Variants in EGFLAM observed in about 807,000 individuals in gnomAD.
EGFLAM encodes the protein EGF like, fibronectin type III and laminin G domains, also known as pikachurin.
EGFLAM carries 79 observed loss-of-function variants against 113.1 expected under a neutral mutation model. The observed-to-expected ratio is 0.70, with a 90% CI of 0.58 to 0.84. The LOEUF is 0.84. Among genes scored for constraint, EGFLAM ranks in the 40% least tolerant of loss-of-function variants. The pLI is 0.00. For missense variants in EGFLAM, 1,265 were observed against 1,291.6 expected (o/e 0.98, Z 0.32); for synonymous variants, 504 against 487.6 (o/e 1.03, Z -0.44).
intron 19 of EGFLAM, among the ~76,000 whole-genome samples, chr5:38,454,078 G>A (rs1424278649): frequency 6.6e-6 from 1 of 152,180 alleles, no homozygotes; most frequent in African/African-American, 2.4e-5. Flanking sequence ...GTCGACTTCT[G>A]TGCCTGCTCT....
At chr5:38,416,937 G>C (rs1376149231) in intron 11 of EGFLAM, among the ~76,000 whole-genome samples, 1 of 152,180 alleles carries the variant, frequency 6.6e-6, no homozygotes, top group Non-Finnish European at 1.5e-5. Flanking sequence ...GAAGTTTAAA[G>C]TATCAAGATT....
At chr5:38,452,640 C>T (rs887757582) in intron 19 of EGFLAM, among the ~76,000 whole-genome samples, 2 of 152,216 alleles carry the variant, frequency 1.3e-5, no homozygotes, top group African/African-American at 4.8e-5. Context: ...ACTTTAAATT[C>T]TGACTCTGCT....
chr5:38,421,199 T>C (rs1741809665), intron 12 of EGFLAM, among the ~76,000 whole-genome samples: 2 of 152,344 alleles, frequency 1.3e-5, no homozygotes, highest in South Asian at 4.1e-4. Context: ...GGGCTTGCAT[T>C]ACTCAGTTCC....
intron 17 of EGFLAM, among the ~76,000 whole-genome samples, chr5:38,447,756 CAAAAAAAAA>C (rs540815959): frequency 1.4e-5 from 1 of 69,434 alleles, no homozygotes; most frequent in African/African-American, 4.3e-5. Flanking sequence ...AACTTTGTTT[CAAAAAAAAA>C]AAAAAAAAAA....
Position 38,464,267 on chromosome 5 carries a change from G to A in EGFLAM, c.*281G>A. On this transcript the variant is annotated 3_prime_UTR_variant, in exon 22 of 22. Coordinates refer to ENST00000322350, the MANE Select transcript of EGFLAM (RefSeq NM_152403.4). ...CGGCTGCCAGAGATCACACATCAAT[G>A]CAAATTCCAGAGCCTGTCTGCTATA... is the stretch of plus-strand genomic sequence containing the variant. 2.5e-6 allele frequency: 1 copy of A among 404,826 alleles called. No homozygotes were observed. Among genetic ancestry groups the A allele is most frequent in the Non-Finnish European group, 4.5e-6 (1 of 223,354 alleles). The allele number at this position is 404,826 out of a possible 1,614,324, so 25.1% of individuals were successfully genotyped here. A position where few individuals can be genotyped will look rare whatever the true frequency, so the allele number is the denominator to read the frequency against.
At chr5:38,373,016 TTTAACAAA>T (rs533656864) in intron 6 of EGFLAM, among the ~76,000 whole-genome samples, 332 of 152,162 alleles carry the variant, frequency 2.2e-3, no homozygotes, top group Middle Eastern at 0.014. Flanking sequence ...TAAATTTTAA[TTTAACAAA>T]TTAACAAATT....
intron 5 of EGFLAM, among the ~76,000 whole-genome samples, chr5:38,357,131 C>G (rs2451008): frequency 0.52 from 79,310 of 152,086 alleles, 22,610 homozygotes; most frequent in Non-Finnish European, 0.63. Context: ...ATATTGCACA[C>G]TGTAGTTCCA....
At position 38,406,926 on chromosome 5, in the gene EGFLAM, C is replaced by T. The variant is rs571951669; in HGVS notation, c.927C>T (p.Ile309=). ...ISNPKTISRL[I]PPTSASLPVT... The stretch of plus-strand genomic sequence containing the variant: ...ACCCAAAGACCATTTCTAGGCTCAT[C>T]CCCCCTACCTCAGCATCTCTCCCTG... The change falls in exon 8 of 22, where the codon ATC becomes ATT. Residue 309 remains isoleucine (I), a synonymous_variant. Transcript: ENST00000322350. 6.2e-7 allele frequency: 1 copy of T among 1,614,158 alleles called. No homozygotes were observed. Among genetic ancestry groups the T allele is most frequent in the East Asian group, 2.2e-5 (1 of 44,876 alleles).
intron 3 of EGFLAM, chr5:38,345,517 A>T (rs991150628): frequency 6.6e-6 from 1 of 152,188 alleles, no homozygotes; most frequent in African/African-American, 2.4e-5. Context: ...GGGGTTTTAC[A>T]TTCCAGAAAG....
intron 3 of EGFLAM, among the ~76,000 whole-genome samples, chr5:38,340,874 G>T (rs1329143020): frequency 2.0e-5 from 3 of 147,682 alleles, no homozygotes; most frequent in East Asian, 4.0e-4. Flanking sequence ...GGGGTGGGGA[G>T]AGTTGCAGAA....
intron 6 of EGFLAM, among the ~76,000 whole-genome samples, chr5:38,386,438 C>T (rs963351684): frequency 6.6e-6 from 1 of 152,220 alleles, no homozygotes; most frequent in African/African-American, 2.4e-5. Flanking sequence ...TGTGACCCAC[C>T]CGCTTTGACC....
At position 38,260,099 on chromosome 5, in the gene EGFLAM, T is replaced by G. The variant is rs375852704; in HGVS notation, c.97+1248T>G. The stretch of plus-strand genomic sequence containing the variant: ...GCCACTCCATTTATGAGCTCTTCAA[T>G]TCATTTTGGAGATAATAGCTTCAGT... On this transcript the variant is annotated intron_variant, in intron 1 of 21. Transcript: ENST00000322350. 3.2e-4 allele frequency among the ~76,000 whole-genome samples: 48 copies of G among 152,336 alleles called. No homozygotes were observed. The East Asian group carries it at 8.1e-3, about 26-fold the overall frequency.
intron 6 of EGFLAM, chr5:38,403,753 A>T: frequency 1.3e-6 from 2 of 1,559,250 alleles, no homozygotes; most frequent in Non-Finnish European, 1.7e-6. Flanking sequence ...TGCAGAAAGC[A>T]AAAATACAGA....
intron 6 of EGFLAM, among the ~76,000 whole-genome samples, chr5:38,388,293 A>G (rs1740716789): frequency 6.6e-6 from 1 of 152,206 alleles, no homozygotes; most frequent in South Asian, 2.1e-4. Flanking sequence ...CCCAGAAATC[A>G]AGGTCTTACA....
At chr5:38,332,817 G>A (rs1169744149) in intron 1 of EGFLAM, among the ~76,000 whole-genome samples, 2 of 152,172 alleles carry the variant, frequency 1.3e-5, no homozygotes, top group Non-Finnish European at 2.9e-5. Context: ...TTCCACCCTG[G>A]GTGGGCCAGG....
At chr5:38,392,300 A>G (rs1242145399) in intron 6 of EGFLAM, among the ~76,000 whole-genome samples, 1 of 152,238 alleles carries the variant, frequency 6.6e-6, no homozygotes, top group African/African-American at 2.4e-5. Flanking sequence ...ATTCTTTTTT[A>G]GGACTGCATA....
chr5:38,314,716 A>G (rs905578709), intron 1 of EGFLAM, among the ~76,000 whole-genome samples: 5 of 152,240 alleles, frequency 3.3e-5, no homozygotes, highest in Non-Finnish European at 7.3e-5. Flanking sequence ...ACACCTTGGC[A>G]GAATGCTATT....
chr5:38,333,916 G>GTTTTTTTTTTTTT lies in EGFLAM; in HGVS notation c.98-3592_98-3580dup, dbSNP rs70978880. 1.4e-4 allele frequency among the ~76,000 whole-genome samples: 4 copies of GTTTTTTTTTTTTT among 29,308 alleles called. 1 individual carries two copies. Among genetic ancestry groups the GTTTTTTTTTTTTT allele is most frequent in the African/African-American group, 3.2e-4 (2 of 6,254 alleles). The allele number at this position is 29,308 out of a possible 152,430, so 19.2% of individuals were successfully genotyped here. A position where few individuals can be genotyped will look rare whatever the true frequency, so the allele number is the denominator to read the frequency against. ...TGTCTGTTTATTTTTATTGTTGAGG[G>GTTTTTTTTTTTTT]TTTTTTTTTTTTTTTTTTTTTTTTG... On this transcript the variant is annotated intron_variant, in intron 1 of 21. Transcript: ENST00000322350.
intron 1 of EGFLAM, among the ~76,000 whole-genome samples, chr5:38,310,348 G>C (rs1055257765): frequency 3.9e-5 from 6 of 152,300 alleles, no homozygotes; most frequent in African/African-American, 1.4e-4. Context: ...CTTTGTACCA[G>C]AGTTTCCTCA....
Sources: gnomAD v4.1 joint callset for allele counts (sites outside exome capture counted in the v4.1 genomes callset) on GRCh38, gnomAD v4.1.1 for gene constraint, MANE v1.5 for transcripts, NCBI Gene and HGNC (gene_info 2026-07-23, HGNC 2026-07-21) for gene names.